The following CFAP44 variants were observed in gnomAD, a reference collection of about 807,000 sequenced individuals.
CFAP44 encodes the protein cilia and flagella associated protein 44, also known as cilia- and flagella-associated protein 44.
Under a neutral mutation model 216.2 loss-of-function variants are expected in CFAP44, and 134 were observed. That is an observed-to-expected ratio of 0.62 (90% CI 0.54 to 0.72). CFAP44 has a LOEUF of 0.72. Ranked by LOEUF, CFAP44 falls within the 30% of genes least tolerant of loss-of-function variation. CFAP44 has a pLI of 0.00. For synonymous variants in CFAP44, 700 were observed against 727.6 expected (o/e 0.96, Z 0.61); for missense variants, 2,035 against 2,182.1 (o/e 0.93, Z 1.34).
chr3:113,330,269 A>C lies in CFAP44; in HGVS notation c.4015T>G (p.Cys1339Gly), dbSNP rs996061648. 3 of 1,537,070 alleles carry C rather than the reference A, an allele frequency of 2.0e-6. No individual in the cohort carries two copies. In the African/African-American group the frequency reaches 4.1e-5, roughly 21 times the overall value. Reference protein sequence around the residue: ...ASTFSLDIPKCLEFEKAEPTD... With the variant: ...ASTFSLDIPKGLEFEKAEPTD... ...GGCTCTGCTTTTTCAAATTCCAAAC[A>C]CTTTGGTATATCTAGGCTGAATGTT... The change falls in exon 26 of 35, where the codon TGT becomes GGT. Residue 1339 changes from cysteine (C) to glycine (G), a missense_variant. By Grantham distance (159) the Cys-to-Gly change is radical (BLOSUM62 -3). Transcript: ENST00000393845.
At position 113,291,454 on chromosome 3, in the gene CFAP44, G is replaced by GC; in HGVS notation, c.*102dup. 7.5e-7 allele frequency: 1 copy of GC among 1,328,850 alleles called. No homozygotes were observed. The highest frequency in any genetic ancestry group is 1.5e-5 in the South Asian group (1 of 67,782). The allele number at this position is 1,328,850 out of a possible 1,614,324, so 82.3% of individuals were successfully genotyped here. On this transcript the variant is annotated 3_prime_UTR_variant, in exon 35 of 35. Transcript: ENST00000393845. ...ACTGGATCTGGTTTTACACTTTCAG[G>GC]CGAGTTCAGTTTAAAGTAATAAGAT...
At chr3:113,403,476 A>G (rs1366358064) in intron 9 of CFAP44, among the ~76,000 whole-genome samples, 5 of 152,206 alleles carry the variant, frequency 3.3e-5, no homozygotes, top group Non-Finnish European at 7.3e-5. Flanking sequence ...TAACCTCAGT[A>G]AAAAATAACT....
intron 21 of CFAP44, chr3:113,362,904 A>G (rs1950554844): frequency 8.0e-7 from 1 of 1,244,800 alleles, no homozygotes; most frequent in East Asian, 3.5e-5. Context: ...TATTCCTTTC[A>G]TGTGTTCTAT....
At chr3:113,418,356 T>C (rs534522907) in intron 5 of CFAP44, among the ~76,000 whole-genome samples, 4 of 152,164 alleles carry the variant, frequency 2.6e-5, no homozygotes, top group East Asian at 1.9e-4. Context: ...CAAAGTGCCA[T>C]GATTACAGGC....
At chr3:113,428,363 A>AAAT (rs1443333858) in intron 2 of CFAP44, among the ~76,000 whole-genome samples, 1 of 152,212 alleles carries the variant, frequency 6.6e-6, no homozygotes, top group Non-Finnish European at 1.5e-5. Context: ...ACGTAATAAA[A>AAAT]AATAATGGGT....
At chr3:113,429,791 T>G (rs912644291) in intron 2 of CFAP44, among the ~76,000 whole-genome samples, 3 of 152,178 alleles carry the variant, frequency 2.0e-5, no homozygotes, top group Admixed American at 2.0e-4. Context: ...AAATTTCTGT[T>G]GGCTTTTTAG....
At chr3:113,344,764 A>G (rs954577889) in intron 22 of CFAP44, 52 bp from the exon 23 acceptor site, 21 of 1,393,890 alleles carry the variant, frequency 1.5e-5, no homozygotes, top group Non-Finnish European at 1.9e-5. Flanking sequence ...ATCATTCTGC[A>G]TAATTACTAA....
At chr3:113,306,128 TA>T in intron 30 of CFAP44, 72 bp downstream of exon 30, 1 of 1,461,330 alleles carries the variant, frequency 6.8e-7, no homozygotes, top group Non-Finnish European at 9.0e-7. Flanking sequence ...GTCATTGCTA[TA>T]AAAAGGCAAT....
At chr3:113,372,244 A>G (rs1351975309) in intron 18 of CFAP44, among the ~76,000 whole-genome samples, 1 of 152,246 alleles carries the variant, frequency 6.6e-6, no homozygotes, top group Non-Finnish European at 1.5e-5. Context: ...TACCCAAAGG[A>G]TTATAAATCA....
intron 15 of CFAP44, among the ~76,000 whole-genome samples, chr3:113,389,546 G>T (rs1933738616): frequency 6.6e-6 from 1 of 151,200 alleles, no homozygotes; most frequent in African/African-American, 2.4e-5. Flanking sequence ...GAAATTGAAA[G>T]AAAACAAAAG....
At chr3:113,422,697 T>C (rs907558903) in intron 4 of CFAP44, among the ~76,000 whole-genome samples, 2 of 152,164 alleles carry the variant, frequency 1.3e-5, no homozygotes, top group Admixed American at 1.3e-4. Context: ...TTCTTCCCTT[T>C]CTTTCTTTCC....
rs1354229578 is a variant in CFAP44, at chr3:113,290,175, C to T, written c.*1382G>A. 1.3e-5 allele frequency: 2 copies of T among 151,946 alleles called. No homozygotes were observed. The highest frequency in any genetic ancestry group is 1.5e-5 in the Non-Finnish European group (1 of 67,994). The allele number at this position is 151,946 out of a possible 1,614,324, so 9.4% of individuals were successfully genotyped here. ...GGCACACATGGCTTAGGATATACAA[C>T]ACAGAAAGTGATTTAAAAAAAAAAG... is the stretch of plus-strand genomic sequence containing the variant. On this transcript the variant is annotated 3_prime_UTR_variant, in exon 35 of 35. Coordinates refer to ENST00000393845, the MANE Select transcript of CFAP44 (RefSeq NM_001164496.2).
In CFAP44 at chr3:113,400,629, A is replaced by T. The variant is rs746183942; in HGVS notation, c.1390T>A (p.Cys464Ser). Residue 464 changes from cysteine to serine, a missense_variant, in exon 12 of 35, where the codon TGC becomes AGC. By Grantham distance (112) the Cys-to-Ser change is moderately radical. Around this residue, in one of 3 missense-constraint regions of CFAP44, gnomAD observed 1,883 missense variants for 2,023.7 expected, o/e 0.93. Coordinates refer to ENST00000393845, the MANE Select transcript of CFAP44 (RefSeq NM_001164496.2). ...SFSNITQDPE[C>S]LFSFHSGAIE... ...GCTCCAGAATGGAAGGAGAAGAGGC[A>T]TTCTGGGTCCTGGGTCTGAGAATAG... is the stretch of plus-strand genomic sequence containing the variant. 6.2e-7 allele frequency: 1 copy of T among 1,610,858 alleles called. No homozygotes were observed. Among genetic ancestry groups the T allele is most frequent in the South Asian group, 1.1e-5 (1 of 90,734 alleles).
chr3:113,346,143 C>A (rs1950379448), intron 22 of CFAP44, among the ~76,000 whole-genome samples: 1 of 152,316 alleles, frequency 6.6e-6, no homozygotes, highest in South Asian at 2.1e-4. Context: ...TGTAAATGCA[C>A]CAATCAACAC....
chr3:113,390,058 T>G (rs1236734838), intron 15 of CFAP44, among the ~76,000 whole-genome samples: 1 of 152,022 alleles, frequency 6.6e-6, no homozygotes, highest in Admixed American at 6.6e-5. Flanking sequence ...AAGAAAACTA[T>G]AGGCCACTAT....
chr3:113,364,472 G>C (rs1223891636), intron 19 of CFAP44, among the ~76,000 whole-genome samples: 2 of 152,058 alleles, frequency 1.3e-5, no homozygotes, highest in Non-Finnish European at 2.9e-5. Context: ...CAATATAAGA[G>C]ACAGTAATGG....
chr3:113,366,374 A>C, intron 18 of CFAP44, 65 bp from the exon 19 acceptor site: 1 of 1,539,628 alleles, frequency 6.5e-7, no homozygotes, highest in Non-Finnish European at 8.8e-7. Flanking sequence ...ATTTCAACTT[A>C]ATTGACAAGT....
intron 17 of CFAP44, 102 bp from the exon 18 acceptor site, chr3:113,373,658 T>G: frequency 9.6e-7 from 1 of 1,044,110 alleles, no homozygotes; most frequent in South Asian, 2.9e-5. Flanking sequence ...ATAAAATAGA[T>G]GTTTTCAAAC....
chr3:113,427,521 T>A (rs1934995070), intron 2 of CFAP44, 182 bp from the exon 3 acceptor site: 1 of 510,410 alleles, frequency 2.0e-6, no homozygotes, highest in African/African-American at 2.0e-5. Context: ...GAAAGCCTTT[T>A]CTGTTTGTTA....
Sources: gnomAD v4.1 joint callset for allele counts (sites outside exome capture counted in the v4.1 genomes callset) on GRCh38, gnomAD v4.1.1 for gene constraint, gnomAD v4.1.1 regional missense constraint, MANE v1.5 for transcripts, NCBI Gene and HGNC (gene_info 2026-07-23, HGNC 2026-07-21) for gene names.